Variants in KCTD16 observed in about 807,000 individuals in gnomAD.
The protein encoded by KCTD16 is BTB/POZ domain-containing protein KCTD16.
In KCTD16, 13 loss-of-function variants were observed where a neutral mutation model predicts 33.2. The ratio of observed to expected loss-of-function variants is 0.39; its 90% CI spans 0.25 to 0.62. The LOEUF is 0.62. Ranked by LOEUF, KCTD16 falls within the 20% of genes least tolerant of loss-of-function variation. The pLI, the probability that KCTD16 is intolerant of heterozygous loss-of-function variation, is 0.50. For synonymous variants in KCTD16, 197 were observed against 195.3 expected (o/e 1.01, Z -0.07); for missense variants, 441 against 525.1 (o/e 0.84, Z 1.57).
intron 3 of KCTD16, among the ~76,000 whole-genome samples, chr5:144,451,497 A>G (rs1211434540): frequency 6.6e-6 from 1 of 152,168 alleles, no homozygotes; most frequent in Non-Finnish European, 1.5e-5. Flanking sequence ...GTTAAAAATG[A>G]CAAGCCAGTG....
chr5:144,214,961 T>C (rs1753514508), intron 3 of KCTD16, among the ~76,000 whole-genome samples: 1 of 152,198 alleles, frequency 6.6e-6, no homozygotes, highest in Non-Finnish European at 1.5e-5. Context: ...TTTTTAAAAG[T>C]TCTTACTGCA....
chr5:144,262,868 G>A (rs538509462), intron 3 of KCTD16, among the ~76,000 whole-genome samples: 1 of 152,176 alleles, frequency 6.6e-6, no homozygotes, highest in African/African-American at 2.4e-5. Context: ...ATCTGTTCAT[G>A]AGCTCTCTGA....
chr5:144,394,579 T>A (rs1399394386), intron 3 of KCTD16, among the ~76,000 whole-genome samples: 1 of 152,246 alleles, frequency 6.6e-6, no homozygotes, highest in Non-Finnish European at 1.5e-5. Context: ...CATCTTGAAT[T>A]GTAATCCCCA....
intron 3 of KCTD16, among the ~76,000 whole-genome samples, chr5:144,307,818 A>G (rs1378452327): frequency 6.6e-6 from 1 of 152,162 alleles, no homozygotes; most frequent in African/African-American, 2.4e-5. Context: ...TCTTTCTGAA[A>G]TTCTTAGCCA....
chr5:144,175,805 T>C (rs1215534612), intron 2 of KCTD16, among the ~76,000 whole-genome samples: 12 of 152,220 alleles, frequency 7.9e-5, no homozygotes, highest in Non-Finnish European at 2.9e-5. Flanking sequence ...AAGTACTAAG[T>C]ATTCCATAAA....
intron 1 of KCTD16, among the ~76,000 whole-genome samples, chr5:144,172,276 AT>A (rs1752406286): frequency 6.6e-6 from 1 of 152,166 alleles, no homozygotes; most frequent in Non-Finnish European, 1.5e-5. Flanking sequence ...TATTTGTTTT[AT>A]TTTTGTGGAT....
intron 2 of KCTD16, among the ~76,000 whole-genome samples, chr5:144,176,175 T>C (rs1752501281): frequency 6.6e-6 from 1 of 152,164 alleles, no homozygotes; most frequent in African/African-American, 2.4e-5. Context: ...ATTTTCTTGA[T>C]ATGTTTCATC....
intron 3 of KCTD16, among the ~76,000 whole-genome samples, chr5:144,218,640 C>T (rs998445634): frequency 1.3e-5 from 2 of 152,118 alleles, no homozygotes; most frequent in South Asian, 2.1e-4. Flanking sequence ...CCAAGATAAC[C>T]AGTAATTGAT....
chr5:144,187,429 C>T (rs1752750036), intron 2 of KCTD16, among the ~76,000 whole-genome samples: 1 of 94,260 alleles, frequency 1.1e-5, no homozygotes, highest in Non-Finnish European at 2.2e-5. Flanking sequence ...TGATTTCACA[C>T]ACACACACAC....
chr5:144,249,279 G>T (rs1754632843), intron 3 of KCTD16, among the ~76,000 whole-genome samples: 1 of 152,036 alleles, frequency 6.6e-6, no homozygotes, highest in Non-Finnish European at 1.5e-5. Context: ...TGCGTCAGAG[G>T]CTCCTTGTGA....
intron 2 of KCTD16, among the ~76,000 whole-genome samples, chr5:144,203,040 A>G (rs1202264144): frequency 6.6e-6 from 1 of 152,120 alleles, no homozygotes; most frequent in Non-Finnish European, 1.5e-5. Context: ...GCAAACTTTT[A>G]TGCTTGTGGA....
chr5:144,411,995 A>C (rs1013704122), intron 3 of KCTD16, among the ~76,000 whole-genome samples: 6 of 152,210 alleles, frequency 3.9e-5, no homozygotes, highest in African/African-American at 1.4e-4. Context: ...ACCCAGTTCA[A>C]ATGGTTTTTA....
intron 3 of KCTD16, among the ~76,000 whole-genome samples, chr5:144,369,007 T>C (rs1229852785): frequency 1.3e-5 from 2 of 152,178 alleles, no homozygotes; most frequent in Non-Finnish European, 1.5e-5. Flanking sequence ...CAACTGAAAA[T>C]GAGGACTGCC....
At chr5:144,380,316 A>G (rs1195872586) in intron 3 of KCTD16, among the ~76,000 whole-genome samples, 1 of 152,174 alleles carries the variant, frequency 6.6e-6, no homozygotes, top group Non-Finnish European at 1.5e-5. Flanking sequence ...GAGAGTTACA[A>G]AACACCACTG....
chr5:144,247,816 A>G (rs879536599), intron 3 of KCTD16, among the ~76,000 whole-genome samples: 9 of 152,156 alleles, frequency 5.9e-5, no homozygotes, highest in South Asian at 2.1e-4. Context: ...ATTGTTTTCA[A>G]TGGGTGTCCA....
At chr5:144,285,008 T>C (rs1755706427) in intron 3 of KCTD16, among the ~76,000 whole-genome samples, 1 of 151,994 alleles carries the variant, frequency 6.6e-6, no homozygotes, top group Admixed American at 6.6e-5. Context: ...CACATGGAGG[T>C]AAAGAACTTG....
chr5:144,294,492 T>A (rs1481434819), intron 3 of KCTD16, among the ~76,000 whole-genome samples: 1 of 92,570 alleles, frequency 1.1e-5, no homozygotes, highest in Non-Finnish European at 2.8e-5. Flanking sequence ...TATAAACTTA[T>A]TTTTTTTTTC....
intron 3 of KCTD16, among the ~76,000 whole-genome samples, chr5:144,442,912 T>G (rs1018016749): frequency 2.6e-5 from 4 of 152,036 alleles, no homozygotes; most frequent in East Asian, 1.9e-4. Context: ...TGTTGTTGTT[T>G]TTTCCTTTTT....
intron 3 of KCTD16, among the ~76,000 whole-genome samples, chr5:144,441,989 T>C (rs1288423498): frequency 6.6e-6 from 1 of 152,120 alleles, no homozygotes; most frequent in African/African-American, 2.4e-5. Context: ...AAGTTTAATA[T>C]TTTTAATTTC....
Sources: allele counts gnomAD v4.1 joint callset (sites outside exome capture counted in the v4.1 genomes callset), GRCh38; gene constraint gnomAD v4.1.1; transcripts MANE v1.5; gene names NCBI Gene and HGNC (gene_info 2026-07-23, HGNC 2026-07-21).